The following DNER variants were observed in gnomAD, a reference collection of about 807,000 sequenced individuals.
DNER encodes the protein delta/notch like EGF repeat containing.
DNER carries 33 observed loss-of-function variants against 78.2 expected under a neutral mutation model. The observed-to-expected ratio is 0.42, with a 90% CI of 0.32 to 0.56. The LOEUF is 0.56. Among genes scored for constraint, DNER ranks in the 20% least tolerant of loss-of-function variants. The probability of loss-of-function intolerance (pLI) is 0.11; values close to 1 mark genes in which losing one functional copy is unlikely to be tolerated. For synonymous variants in DNER, 417 were observed against 384.8 expected (o/e 1.08, Z -0.98); for missense variants, 918 against 975.3 (o/e 0.94, Z 0.78).
At chr2:229,570,715 G>C (rs1697203761) in intron 4 of DNER, among the ~76,000 whole-genome samples, 1 of 152,052 alleles carries the variant, frequency 6.6e-6, no homozygotes, top group South Asian at 2.1e-4. Context: ...GAGAGGAGAA[G>C]CGGGGTTGCA....
intron 1 of DNER, among the ~76,000 whole-genome samples, chr2:229,658,447 A>C (rs1258190078): frequency 6.6e-6 from 1 of 152,174 alleles, no homozygotes; most frequent in Non-Finnish European, 1.5e-5. Context: ...GCTAAGTGGG[A>C]CCCAAGTGAG....
intron 10 of DNER, among the ~76,000 whole-genome samples, chr2:229,392,670 T>A (rs1693042578): frequency 6.6e-6 from 1 of 152,092 alleles, no homozygotes; most frequent in Non-Finnish European, 1.5e-5. Context: ...ATTTAATGGA[T>A]TACCCAGTAC....
intron 1 of DNER, among the ~76,000 whole-genome samples, chr2:229,664,885 T>A: frequency 6.6e-6 from 1 of 151,956 alleles, no homozygotes; most frequent in East Asian, 1.9e-4. Context: ...AAGGAAAAAA[T>A]TTGGACCCTG....
rs187542156 is a variant in DNER at position 229,469,868 on chromosome 2, C to T, written c.1261+7272G>A. Among the ~76,000 whole-genome samples the T allele has an allele frequency of 2.3e-3, 347 of 152,266 alleles. 2 individuals carry two copies. Among genetic ancestry groups the T allele is most frequent in the African/African-American group, 7.4e-3 (307 of 41,542 alleles). ...TGAGGCAGGAGAGTCGCTTGAACCC[C>T]GGGAGGCAGAGGTTGCAGTGAGCCA... is the stretch of plus-strand genomic sequence containing the variant. On this transcript the variant is annotated intron_variant, in intron 7 of 12. Transcript: ENST00000341772.
chr2:229,503,324 C>T (rs941888948), intron 6 of DNER, among the ~76,000 whole-genome samples: 1 of 152,150 alleles, frequency 6.6e-6, no homozygotes, highest in African/African-American at 2.4e-5. Flanking sequence ...GAGGAGAGGC[C>T]CTTGCTGGAC....
At position 229,367,007 on chromosome 2, in the gene DNER, G is replaced by A. The variant is rs760704438; in HGVS notation, c.1968C>T (p.Ile656=). Residue 656 remains isoleucine, a synonymous_variant, in exon 12 of 13, where the codon ATC becomes ATT. Coordinates refer to ENST00000341772, the MANE Select transcript of DNER (RefSeq NM_139072.4). ...LCVAFILMLI[I]LIVGICRISR... is the part of the protein sequence containing the mutation. ...TGATGCGGCAAATCCCCACGATCAG[G>A]ATGATCAGCATAAGGATGAAGGCCA... 1.2e-6 allele frequency: 2 copies of A among 1,614,116 alleles called. No individual in the cohort carries two copies. Among genetic ancestry groups the A allele is most frequent in the Non-Finnish European group, 1.7e-6 (2 of 1,179,992 alleles).
chr2:229,542,933 G>A (rs1274273809), intron 5 of DNER, among the ~76,000 whole-genome samples: 1 of 152,096 alleles, frequency 6.6e-6, no homozygotes, highest in Non-Finnish European at 1.5e-5. Flanking sequence ...CATTTGCTTA[G>A]AGTCACTGAG....
At chr2:229,616,786 G>A (rs1012859181) in intron 1 of DNER, among the ~76,000 whole-genome samples, 1 of 152,132 alleles carries the variant, frequency 6.6e-6, no homozygotes, top group African/African-American at 2.4e-5. Context: ...ACCATCTCTG[G>A]GCAAAAGGCT....
At chr2:229,639,974 T>A (rs1181951859) in intron 1 of DNER, among the ~76,000 whole-genome samples, 4 of 152,210 alleles carry the variant, frequency 2.6e-5, no homozygotes, top group Non-Finnish European at 5.9e-5. Flanking sequence ...ATTACAAGCA[T>A]ATATTTATGA....
chr2:229,466,260 C>T (rs1694803074), intron 7 of DNER, among the ~76,000 whole-genome samples: 1 of 152,142 alleles, frequency 6.6e-6, no homozygotes, highest in Admixed American at 6.6e-5. Context: ...CTTCTGTCTT[C>T]CCTCCATCAC....
intron 5 of DNER, among the ~76,000 whole-genome samples, chr2:229,540,603 A>G (rs1463215856): frequency 7.9e-5 from 12 of 152,238 alleles, no homozygotes; most frequent in Admixed American, 7.9e-4. Context: ...CGAGTCATTG[A>G]TCATTTCCAA....
chr2:229,514,224 G>T (rs1300957118), intron 5 of DNER, among the ~76,000 whole-genome samples: 1 of 151,892 alleles, frequency 6.6e-6, no homozygotes, highest in African/African-American at 2.4e-5. Flanking sequence ...AAAATACTAG[G>T]GTTTTGTTTC....
chr2:229,710,101 A>T (rs572503618), intron 1 of DNER, among the ~76,000 whole-genome samples: 34 of 152,316 alleles, frequency 2.2e-4, no homozygotes, highest in African/African-American at 7.7e-4. Flanking sequence ...TTCAGCTAGG[A>T]CCCAGAATTC....
At chr2:229,504,137 C>G (rs1695684909) in intron 6 of DNER, among the ~76,000 whole-genome samples, 1 of 152,222 alleles carries the variant, frequency 6.6e-6, no homozygotes, top group African/African-American at 2.4e-5. Flanking sequence ...CATGAGTGTA[C>G]ACACACCCAG....
In DNER at chr2:229,388,592, AATAT is replaced by A. The variant is rs56042896; in HGVS notation, c.1724-200_1724-197del. On this transcript the variant is annotated intron_variant, in intron 10 of 12. Coordinates refer to ENST00000341772, the MANE Select transcript of DNER (RefSeq NM_139072.4). ...TTTACTTCAGTAAAACTAAAAAGGA[AATAT>A]ATATATATATATATATATATATATA... is the stretch of plus-strand genomic sequence containing the variant. Among the ~76,000 whole-genome samples the A allele has an allele frequency of 3.5e-3, 204 of 57,756 alleles. 1 individual carries two copies. The highest frequency in any genetic ancestry group is 0.015 in the Middle Eastern group (1 of 66). 37.9% of individuals were successfully genotyped at this position (57,756 alleles called of 152,430 possible). A position where few individuals can be genotyped will look rare whatever the true frequency, so the allele number is the denominator to read the frequency against.
chr2:229,422,183 G>A (rs1484050672), intron 8 of DNER, among the ~76,000 whole-genome samples: 1 of 152,030 alleles, frequency 6.6e-6, no homozygotes, highest in Non-Finnish European at 1.5e-5. Context: ...TCAATCGGAC[G>A]ATTTGAATAA....
At chr2:229,711,163 T>A (rs1367184631) in intron 1 of DNER, among the ~76,000 whole-genome samples, 1 of 151,402 alleles carries the variant, frequency 6.6e-6, no homozygotes, top group African/African-American at 2.4e-5. Flanking sequence ...GGGGCTGGAG[T>A]AGCACAGGGC....
At chr2:229,451,196 T>C (rs1438344378) in intron 7 of DNER, among the ~76,000 whole-genome samples, 1 of 152,202 alleles carries the variant, frequency 6.6e-6, no homozygotes, top group East Asian at 1.9e-4. Flanking sequence ...TGATGGCTCA[T>C]GCCTATAATC....
intron 8 of DNER, among the ~76,000 whole-genome samples, chr2:229,443,086 A>T (rs1422637902): frequency 6.6e-6 from 1 of 151,602 alleles, no homozygotes; most frequent in African/African-American, 2.4e-5. Flanking sequence ...AGCATCTTAG[A>T]TCTTGCTTGT....
Sources: gnomAD v4.1 joint callset for allele counts (sites outside exome capture counted in the v4.1 genomes callset) on GRCh38, gnomAD v4.1.1 for gene constraint, MANE v1.5 for transcripts, NCBI Gene and HGNC (gene_info 2026-07-23, HGNC 2026-07-21) for gene names.